The following GDPD4 variants were observed in gnomAD, a reference collection of about 807,000 sequenced individuals.
GDPD4 encodes glycerophosphodiester phosphodiesterase domain containing 4.
A neutral mutation model predicts 67.8 loss-of-function variants in GDPD4; 60 were observed. The observed-to-expected ratio is 0.88, with a 90% CI of 0.72 to 1.10. GDPD4 has a LOEUF of 1.10. Among genes scored for constraint, GDPD4 ranks in the 50% least tolerant of loss-of-function variants. GDPD4 has a pLI of 0.00. For missense variants in GDPD4, 623 were observed against 613.9 expected (o/e 1.01, Z -0.16); for synonymous variants, 212 against 210.9 (o/e 1.00, Z -0.04).
intron 1 of GDPD4, among the ~76,000 whole-genome samples, chr11:77,291,938 G>A (rs560229706): frequency 2.3e-4 from 35 of 152,296 alleles, no homozygotes; most frequent in African/African-American, 8.2e-4. Context: ...GCTGAGGCAG[G>A]AGAATTGCTT....
chr11:77,255,731 C>T (rs1452883973), intron 11 of GDPD4, among the ~76,000 whole-genome samples: 2 of 151,814 alleles, frequency 1.3e-5, no homozygotes, highest in East Asian at 1.9e-4. Flanking sequence ...CATGGTGGCG[C>T]GTAGCTATAA....
At chr11:77,231,664 G>A (rs1450165359) in intron 14 of GDPD4, among the ~76,000 whole-genome samples, 1 of 152,192 alleles carries the variant, frequency 6.6e-6, no homozygotes, top group African/African-American at 2.4e-5. Flanking sequence ...CATCATTTAA[G>A]TAAATGTGTA....
At chr11:77,235,014 T>TTTTTG (rs1958528004) in intron 13 of GDPD4, among the ~76,000 whole-genome samples, 1 of 69,908 alleles carries the variant, frequency 1.4e-5, no homozygotes, top group Non-Finnish European at 2.8e-5. Context: ...TATCTGTTTT[T>TTTTTG]TTTTTTTTTT....
intron 11 of GDPD4, among the ~76,000 whole-genome samples, chr11:77,251,215 T>C (rs1212316663): frequency 2.6e-5 from 4 of 152,222 alleles, no homozygotes; most frequent in African/African-American, 9.6e-5. Context: ...ATATTCTTTG[T>C]TTCTTCTTGT....
At position 77,268,477 on chromosome 11, in the gene GDPD4, C is replaced by T. The variant is rs184173638; in HGVS notation, c.687G>A (p.Leu229=). Residue 229 remains leucine, a synonymous_variant, in exon 10 of 17, where the codon TTG becomes TTA. Coordinates refer to ENST00000315938, the MANE Select transcript of GDPD4 (RefSeq NM_182833.3). ...EKAVEHGAHG[L]ETDIHLSYDH... is the part of the protein sequence containing the mutation. ...CTTACCTTAAGTGTATATCAGTCTC[C>T]AATCCATGGGCTCCATGTTCAACAG... is the stretch of plus-strand genomic sequence containing the variant. 4.3e-6 allele frequency: 7 copies of T among 1,612,308 alleles called. No homozygotes were observed. The highest frequency in any genetic ancestry group is 1.1e-5 in the South Asian group (1 of 91,038).
At chr11:77,264,946 T>TAA (rs1388352377) in intron 10 of GDPD4, among the ~76,000 whole-genome samples, 4 of 152,152 alleles carry the variant, frequency 2.6e-5, no homozygotes, top group Non-Finnish European at 5.9e-5. Context: ...TTTTCATTAG[T>TAA]AAAAGTATCT....
rs58364800 is a variant in GDPD4 at position 77,228,499 on chromosome 11, C to CAAAAAAA, written c.1473-590_1473-584dup. ...TGGGTGACAGAGCAAGACTCCGTCT[C>CAAAAAAA]AAAAAAAAAAAAAAAAAAAAAAAAA... On this transcript the variant is annotated intron_variant, in intron 15 of 16. Transcript: ENST00000315938. 9.8e-4 allele frequency among the ~76,000 whole-genome samples: 26 copies of CAAAAAAA among 26,636 alleles called. 2 individuals are homozygous for CAAAAAAA. The highest frequency in any genetic ancestry group is 3.4e-3 in the African/African-American group (22 of 6,414). 17.5% of individuals were successfully genotyped at this position (26,636 alleles called of 152,430 possible). A position where few individuals can be genotyped will look rare whatever the true frequency, so the allele number is the denominator to read the frequency against.
At chr11:77,277,854 C>T (rs934489761) in intron 4 of GDPD4, among the ~76,000 whole-genome samples, 4 of 151,850 alleles carry the variant, frequency 2.6e-5, no homozygotes, top group African/African-American at 9.7e-5. Context: ...ATCTTTCCTG[C>T]TTTCTCTTGT....
chr11:77,246,525 C>A (rs1274930032), intron 11 of GDPD4, among the ~76,000 whole-genome samples: 1 of 152,172 alleles, frequency 6.6e-6, no homozygotes, highest in Non-Finnish European at 1.5e-5. Context: ...AAGTTCAATC[C>A]TGGCTCACTA....
chr11:77,272,815 C>T (rs924706246), intron 5 of GDPD4, among the ~76,000 whole-genome samples: 4 of 151,852 alleles, frequency 2.6e-5, no homozygotes, highest in South Asian at 2.1e-4. Flanking sequence ...AATATGATCA[C>T]GTCAAATGCA....
chr11:77,267,397 C>T (rs2135868667), intron 10 of GDPD4, among the ~76,000 whole-genome samples: 1 of 152,336 alleles, frequency 6.6e-6, no homozygotes, highest in Non-Finnish European at 1.5e-5. Flanking sequence ...GCCAGACTTA[C>T]TTGGAGTGGC....
chr11:77,221,608 G>A (rs1196077506), intron 16 of GDPD4, among the ~76,000 whole-genome samples: 1 of 152,114 alleles, frequency 6.6e-6, no homozygotes, highest in African/African-American at 2.4e-5. Context: ...AGTTTGTTGT[G>A]ATTTCTGTTC....
At position 77,268,926 on chromosome 11, in the gene GDPD4, TG is replaced by T; in HGVS notation, c.621del (p.Met208CysfsTer8). ...KPTIFGHRGA[P>X]MLGPENTMMS... ...ATGTTCATCATGCTCAGACCTACCA[TG>T]GGTGCACCTCTATGTCCAAAGATGG... is the stretch of plus-strand genomic sequence containing the variant. On this transcript the variant is annotated frameshift_variant, in exon 9 of 17. Transcript: ENST00000315938. LOFTEE classifies it high-confidence loss of function. 1 of 1,613,908 alleles carries T rather than the reference TG, an allele frequency of 6.2e-7. No homozygotes were observed. The highest frequency in any genetic ancestry group is 8.5e-7 in the Non-Finnish European group (1 of 1,179,882).
chr11:77,229,329 G>A (rs1958409923), intron 14 of GDPD4, 97 bp from the exon 15 acceptor site: 2 of 699,722 alleles, frequency 2.9e-6, no homozygotes, highest in East Asian at 5.4e-5. Context: ...GGCTGGAGGA[G>A]GAGAGGAAGA....
chr11:77,248,051 CAAAAAAAAA>C, intron 11 of GDPD4, among the ~76,000 whole-genome samples: 1 of 62,716 alleles, frequency 1.6e-5, no homozygotes, highest in African/African-American at 8.1e-5. Context: ...AACTCCGTCT[CAAAAAAAAA>C]AAAAAAAAAA....
At chr11:77,273,021 C>G (rs1366942008) in intron 5 of GDPD4, among the ~76,000 whole-genome samples, 3 of 152,040 alleles carry the variant, frequency 2.0e-5, no homozygotes, top group Admixed American at 6.6e-5. Context: ...AACACATGAA[C>G]CTATATATTC....
chr11:77,232,898 C>T, intron 14 of GDPD4, 127 bp downstream of exon 14: 2 of 724,958 alleles, frequency 2.8e-6, no homozygotes, highest in Admixed American at 5.6e-5. Context: ...ACCACATCTC[C>T]AATATTCATA....
At chr11:77,222,054 T>G (rs529918400) in intron 16 of GDPD4, among the ~76,000 whole-genome samples, 2 of 152,084 alleles carry the variant, frequency 1.3e-5, no homozygotes, top group Non-Finnish European at 2.9e-5. Context: ...CAACCCCTGC[T>G]TTTTTGCTTT....
chr11:77,217,803 C>T (rs1044025860), intron 16 of GDPD4, among the ~76,000 whole-genome samples: 1 of 152,066 alleles, frequency 6.6e-6, no homozygotes, highest in Non-Finnish European at 1.5e-5. Flanking sequence ...GCTAGGAGAT[C>T]AAGACCAATC....
Sources: allele counts gnomAD v4.1 joint callset (sites outside exome capture counted in the v4.1 genomes callset), GRCh38; gene constraint gnomAD v4.1.1; transcripts MANE v1.5; gene names NCBI Gene and HGNC (gene_info 2026-07-23, HGNC 2026-07-21).